DOCK3: variants seen among roughly 807,000 people sequenced by gnomAD.
DOCK3 encodes the protein dedicator of cytokinesis 3, also known as dedicator of cytokinesis protein 3.
DOCK3 carries 60 observed loss-of-function variants against 265.6 expected under a neutral mutation model. That is an observed-to-expected ratio of 0.23 (90% CI 0.18 to 0.28). The LOEUF (loss-of-function observed/expected upper bound fraction) is 0.28, where lower values mean the gene tolerates loss of function less well. Ranked by LOEUF, DOCK3 falls within the 10% of genes least tolerant of loss-of-function variation. The pLI, the probability that DOCK3 is intolerant of heterozygous loss-of-function variation, is 1.00. For synonymous variants in DOCK3, 881 were observed against 938.0 expected (o/e 0.94, Z 1.11); for missense variants, 1,981 against 2,594.3 (o/e 0.76, Z 5.14).
chr3:50,711,628 T>C (rs1193662070), intron 1 of DOCK3, among the ~76,000 whole-genome samples: 2 of 152,182 alleles, frequency 1.3e-5, no homozygotes, highest in African/African-American at 4.8e-5. Flanking sequence ...ATAAAAAATA[T>C]TACTTTGTAG....
chr3:50,709,822 A>G (rs1022192494), intron 1 of DOCK3, among the ~76,000 whole-genome samples: 5 of 152,178 alleles, frequency 3.3e-5, no homozygotes, highest in African/African-American at 1.2e-4. Context: ...GTGAGACTCC[A>G]TCTCAAAAAT....
intron 1 of DOCK3, among the ~76,000 whole-genome samples, chr3:50,721,760 T>C (rs1235276401): frequency 1.3e-5 from 2 of 152,240 alleles, no homozygotes; most frequent in Non-Finnish European, 2.9e-5. Context: ...AGGACTAGCA[T>C]TGAATCTGTA....
At chr3:50,704,384 C>A (rs1425784002) in intron 1 of DOCK3, among the ~76,000 whole-genome samples, 1 of 151,798 alleles carries the variant, frequency 6.6e-6, no homozygotes, top group Non-Finnish European at 1.5e-5. Context: ...AATTCCCCAG[C>A]TATTATTGTA....
chr3:51,119,824 G>A (rs2083929830), intron 9 of DOCK3, among the ~76,000 whole-genome samples: 2 of 151,934 alleles, frequency 1.3e-5, no homozygotes, highest in South Asian at 2.1e-4. Context: ...GGTCATTTCT[G>A]TTCTTCTCTA....
At chr3:51,115,597 T>G (rs1371535702) in intron 9 of DOCK3, among the ~76,000 whole-genome samples, 1 of 152,246 alleles carries the variant, frequency 6.6e-6, no homozygotes, top group African/African-American at 2.4e-5. Context: ...GTAGGTTGCC[T>G]GTTCACTCTG....
At chr3:50,787,276 C>G in intron 2 of DOCK3, 1 of 472,042 alleles carries the variant, frequency 2.1e-6, no homozygotes, top group Non-Finnish European at 3.9e-6. Context: ...GGGCACACGC[C>G]TGTAATCCCA....
intron 9 of DOCK3, among the ~76,000 whole-genome samples, chr3:51,132,187 C>T (rs1343154777): frequency 6.6e-6 from 1 of 152,210 alleles, no homozygotes; most frequent in Non-Finnish European, 1.5e-5. Context: ...ATATTAAATG[C>T]AGAGTCCCTA....
At chr3:51,079,388 A>C (rs1044533154) in intron 7 of DOCK3, among the ~76,000 whole-genome samples, 2 of 152,110 alleles carry the variant, frequency 1.3e-5, no homozygotes, top group Non-Finnish European at 2.9e-5. Context: ...GCTGGAGTGC[A>C]GTGGTGTGAT....
chr3:51,315,376 A>C (rs2083307741), intron 32 of DOCK3, among the ~76,000 whole-genome samples: 1 of 152,224 alleles, frequency 6.6e-6, no homozygotes, highest in African/African-American at 2.4e-5. Flanking sequence ...TGATCAAGGA[A>C]TGATTGAGAC....
chr3:51,037,816 G>A (rs1248095550), intron 5 of DOCK3, among the ~76,000 whole-genome samples: 1 of 152,132 alleles, frequency 6.6e-6, no homozygotes, highest in East Asian at 1.9e-4. Context: ...CCAGTTTATG[G>A]TATTTCATTA....
chr3:51,273,436 T>C (rs2108905823), intron 24 of DOCK3, among the ~76,000 whole-genome samples: 1 of 152,356 alleles, frequency 6.6e-6, no homozygotes, highest in Middle Eastern at 3.4e-3. Context: ...TTACCAGTGA[T>C]GTCCTTTAAC....
At chr3:51,305,760 G>T (rs1281341404) in intron 27 of DOCK3, among the ~76,000 whole-genome samples, 4 of 140,206 alleles carry the variant, frequency 2.9e-5, no homozygotes, top group East Asian at 4.2e-4. Context: ...GTGTGTGTGT[G>T]TTTTTATTAT....
chr3:51,144,333 C>A (rs1423007049), intron 9 of DOCK3, among the ~76,000 whole-genome samples: 1 of 152,146 alleles, frequency 6.6e-6, no homozygotes, highest in Non-Finnish European at 1.5e-5. Flanking sequence ...ACAGTTCTTG[C>A]CAGAATCACC....
Position 50,959,043 on chromosome 3 carries a change from C to A in DOCK3, c.315+24966C>A, listed in dbSNP as rs181433384. On this transcript the variant is annotated intron_variant, in intron 5 of 52. Coordinates refer to ENST00000266037, the MANE Select transcript of DOCK3 (RefSeq NM_004947.5). ...AATATTTCCATCACCCCAAAAAGAT[C>A]TGTCATTCCCATTTGCCGTCATTCC... Among the ~76,000 whole-genome samples, 656 of 152,316 alleles carry A rather than the reference C, an allele frequency of 4.3e-3. 3 individuals carry two copies. The highest frequency in any genetic ancestry group is 6.8e-3 in the Non-Finnish European group (461 of 68,038).
intron 10 of DOCK3, among the ~76,000 whole-genome samples, chr3:51,153,293 G>A (rs1295959956): frequency 1.3e-5 from 2 of 152,214 alleles, no homozygotes; most frequent in African/African-American, 4.8e-5. Flanking sequence ...TGTGGGCATG[G>A]GACCCGTCCA....
intron 2 of DOCK3, among the ~76,000 whole-genome samples, chr3:50,804,474 C>T (rs1419335408): frequency 2.6e-5 from 4 of 152,144 alleles, no homozygotes; most frequent in Non-Finnish European, 4.4e-5. Context: ...AGCAAGACTC[C>T]GTCTGCAATC....
At chr3:51,289,495 G>A (rs956499916) in intron 27 of DOCK3, among the ~76,000 whole-genome samples, 2 of 152,126 alleles carry the variant, frequency 1.3e-5, no homozygotes, top group African/African-American at 4.8e-5. Context: ...AATACAGGAA[G>A]AAAAGAACAA....
At chr3:50,782,222 C>G (rs2041949427) in intron 2 of DOCK3, among the ~76,000 whole-genome samples, 1 of 151,494 alleles carries the variant, frequency 6.6e-6, no homozygotes, top group African/African-American at 2.4e-5. Flanking sequence ...AATGGTTGAA[C>G]TAATTTACAC....
chr3:51,222,213 C>T (rs1345583210), intron 14 of DOCK3, among the ~76,000 whole-genome samples: 1 of 152,172 alleles, frequency 6.6e-6, no homozygotes, highest in East Asian at 1.9e-4. Context: ...ATGCCTCTCT[C>T]TCCTGGTAAT....
Sources: gnomAD v4.1 joint callset for allele counts (sites outside exome capture counted in the v4.1 genomes callset) on GRCh38, gnomAD v4.1.1 for gene constraint, MANE v1.5 for transcripts, NCBI Gene and HGNC (gene_info 2026-07-23, HGNC 2026-07-21) for gene names.